PIK3R3: variants seen among roughly 807,000 people sequenced by gnomAD.
PIK3R3 encodes phosphatidylinositol 3-kinase regulatory subunit gamma.
Under a neutral mutation model 62.9 loss-of-function variants are expected in PIK3R3, and 64 were observed. The ratio of observed to expected loss-of-function variants is 1.02; its 90% CI spans 0.83 to 1.25. PIK3R3 has a LOEUF of 1.25. Among genes scored for constraint, PIK3R3 ranks in the 50% most tolerant of loss-of-function variants. The probability of loss-of-function intolerance (pLI) is 0.00; values close to 1 mark genes in which losing one functional copy is unlikely to be tolerated. For missense variants in PIK3R3, 614 were observed against 561.6 expected, an observed-to-expected ratio of 1.09 and a Z score of -0.94; for synonymous variants, 165 against 189.0, an observed-to-expected ratio of 0.87 and a Z score of 1.04.
intron 7 of PIK3R3, among the ~76,000 whole-genome samples, chr1:46,050,027 A>C (rs1647223949): frequency 1.3e-5 from 2 of 151,474 alleles, no homozygotes; most frequent in South Asian, 4.2e-4. Context: ...AGGCTGATGC[A>C]GGAGAAGTGC....
intron 1 of PIK3R3, among the ~76,000 whole-genome samples, chr1:46,082,087 A>T (rs1436123979): frequency 1.3e-5 from 2 of 152,212 alleles, no homozygotes; most frequent in Non-Finnish European, 2.9e-5. Flanking sequence ...CAAAATCCTA[A>T]CTGCAAAAGG....
At position 46,043,435 on chromosome 1, in the gene PIK3R3, A is replaced by G; in HGVS notation, c.*238T>C. The G allele has an allele frequency of 1.9e-6, 1 of 520,030 alleles. No homozygotes were observed. Among genetic ancestry groups the G allele is most frequent in the Non-Finnish European group, 3.5e-6 (1 of 286,804 alleles). 32.2% of individuals were successfully genotyped at this position (520,030 alleles called of 1,614,324 possible). A position where few individuals can be genotyped will look rare whatever the true frequency, so the allele number is the denominator to read the frequency against. ...AAAACCCCAATGAAACAGACTTTCAAAAAAAACATCTGCTTCCAGCTTAGT... is the reference window on the plus strand; with the variant it reads ...AAAACCCCAATGAAACAGACTTTCAGAAAAAACATCTGCTTCCAGCTTAGT... On this transcript the variant is annotated 3_prime_UTR_variant, in exon 10 of 10. Transcript: ENST00000262741.
At chr1:46,059,871 G>A (rs185815159) in intron 6 of PIK3R3, among the ~76,000 whole-genome samples, 74 of 150,400 alleles carry the variant, frequency 4.9e-4, no homozygotes, top group South Asian at 3.0e-3. Context: ...AGGCCAAGGC[G>A]GGCAGATCAC....
intron 6 of PIK3R3, among the ~76,000 whole-genome samples, chr1:46,061,369 GACC>G: frequency 6.6e-6 from 1 of 152,272 alleles, no homozygotes; most frequent in Non-Finnish European, 1.5e-5. Flanking sequence ...TTAACCTGAT[GACC>G]ACAACTGTTG....
At chr1:46,120,672 C>G (rs1271001572) in intron 1 of PIK3R3, among the ~76,000 whole-genome samples, 1 of 152,174 alleles carries the variant, frequency 6.6e-6, no homozygotes, top group Non-Finnish European at 1.5e-5. Flanking sequence ...AAGACAATAA[C>G]ACTGAAGAGA....
chr1:46,089,217 G>C (rs933918825), intron 1 of PIK3R3, among the ~76,000 whole-genome samples: 8 of 152,290 alleles, frequency 5.3e-5, no homozygotes, highest in Middle Eastern at 6.8e-3. Flanking sequence ...GCAATGCCCA[G>C]CATAATGCTG....
chr1:46,062,722 G>A (rs1448060529), intron 5 of PIK3R3, among the ~76,000 whole-genome samples: 1 of 152,208 alleles, frequency 6.6e-6, no homozygotes, highest in Non-Finnish European at 1.5e-5. Context: ...AAGTTTTGAT[G>A]TTTATGGGAT....
intron 1 of PIK3R3, among the ~76,000 whole-genome samples, chr1:46,114,152 T>C (rs1202575259): frequency 6.6e-6 from 1 of 152,210 alleles, no homozygotes; most frequent in African/African-American, 2.4e-5. Context: ...GGCTGATCAC[T>C]GTGACTATGC....
At chr1:46,157,260 A>G in the PIK3R3 span, among the ~76,000 whole-genome samples, 7 of 152,168 alleles carry the variant, frequency 4.6e-5, no homozygotes, top group Non-Finnish European at 1.0e-4. Context: ...CAGCCACCCA[A>G]GTAGCTGGGA....
Position 46,132,019 on chromosome 1 carries a change from A to G in PIK3R3, c.-67T>C. The G allele has an allele frequency of 6.3e-7, 1 of 1,578,104 alleles. No individual in the cohort carries two copies. Among genetic ancestry groups the G allele is most frequent in the Non-Finnish European group, 8.6e-7 (1 of 1,164,104 alleles). On this transcript the variant is annotated 5_prime_UTR_variant, in exon 1 of 10. Transcript: ENST00000262741. ...ATATATTTTTTATCTGGTATTTAAAAATCTAAAAATATATATCTGCAAAAG... is the reference window on the plus strand; with the variant it reads ...ATATATTTTTTATCTGGTATTTAAAGATCTAAAAATATATATCTGCAAAAG...
intron 1 of PIK3R3, among the ~76,000 whole-genome samples, chr1:46,094,269 T>G (rs929091210): frequency 7.2e-5 from 11 of 152,148 alleles, no homozygotes; most frequent in African/African-American, 2.7e-4. Flanking sequence ...TGATAATATA[T>G]ACTTCCTAAA....
At chr1:46,077,722 T>C (rs1456947794) in intron 2 of PIK3R3, 109 bp from the exon 3 acceptor site, 3 of 674,404 alleles carry the variant, frequency 4.4e-6, no homozygotes, top group Non-Finnish European at 5.4e-6. Flanking sequence ...GCAGTAGGTG[T>C]GCCTGAGGTT....
chr1:46,072,889 T>C (rs1178436592), intron 3 of PIK3R3, among the ~76,000 whole-genome samples: 1 of 151,994 alleles, frequency 6.6e-6, no homozygotes, highest in Admixed American at 6.6e-5. Flanking sequence ...CAGTGAGCTA[T>C]GATCACATCA....
At chr1:46,125,887 A>G (rs1408892181) in intron 1 of PIK3R3, among the ~76,000 whole-genome samples, 1 of 151,714 alleles carries the variant, frequency 6.6e-6, no homozygotes, top group Admixed American at 6.6e-5. Flanking sequence ...CAACCTCCCG[A>G]GTAGCTGGGA....
At chr1:46,152,746 G>A in the PIK3R3 span, among the ~76,000 whole-genome samples, 4 of 151,962 alleles carry the variant, frequency 2.6e-5, no homozygotes, top group African/African-American at 9.7e-5. Context: ...TGGATTTTTA[G>A]TGGAGATGGG....
chr1:46,159,648 A>G, the PIK3R3 span, among the ~76,000 whole-genome samples: 2 of 151,948 alleles, frequency 1.3e-5, no homozygotes, highest in Non-Finnish European at 2.9e-5. Context: ...TTCAGCTTCC[A>G]CTATCTGAAT....
the PIK3R3 span, among the ~76,000 whole-genome samples, chr1:46,163,851 A>G: frequency 2.0e-5 from 3 of 152,202 alleles, no homozygotes; most frequent in African/African-American, 7.2e-5. Flanking sequence ...TCTCCACAGC[A>G]CAGAGCACTG....
chr1:46,068,523 A>C (rs1439225780), intron 3 of PIK3R3, among the ~76,000 whole-genome samples: 1 of 152,242 alleles, frequency 6.6e-6, no homozygotes, highest in African/African-American at 2.4e-5. Flanking sequence ...TTGGGAAAAA[A>C]AATAAAGCAG....
intron 3 of PIK3R3, among the ~76,000 whole-genome samples, chr1:46,076,618 C>T (rs1266950046): frequency 2.6e-5 from 4 of 152,138 alleles, no homozygotes; most frequent in Non-Finnish European, 5.9e-5. Flanking sequence ...TTATGCCATA[C>T]TAGCATAAAA....
Sources: gnomAD v4.1 joint callset for allele counts (sites outside exome capture counted in the v4.1 genomes callset) on GRCh38, gnomAD v4.1.1 for gene constraint, MANE v1.5 for transcripts, NCBI Gene and HGNC (gene_info 2026-07-23, HGNC 2026-07-21) for gene names.